KCNQ5: variants seen among roughly 807,000 people sequenced by gnomAD.
The protein encoded by KCNQ5 is potassium voltage-gated channel subfamily KQT member 5.
In KCNQ5, 30 loss-of-function variants were observed where a neutral mutation model predicts 98.2. That is an observed-to-expected ratio of 0.31 (90% confidence interval 0.23 to 0.41). The LOEUF (loss-of-function observed/expected upper bound fraction) is 0.41, where lower values mean the gene tolerates loss of function less well. KCNQ5 is among the 10% of genes least tolerant of loss of function. KCNQ5 has a pLI of 1.00. For missense variants in KCNQ5, 835 were observed against 1,182.5 expected (o/e 0.71, Z 4.31); for synonymous variants, 458 against 449.4 (o/e 1.02, Z -0.24).
At chr6:72,762,225 A>G (rs1406667376) in intron 1 of KCNQ5, among the ~76,000 whole-genome samples, 1 of 152,084 alleles carries the variant, frequency 6.6e-6, no homozygotes, top group East Asian at 1.9e-4. Flanking sequence ...AAAGGGTATC[A>G]CAGTCAGGAA....
chr6:72,843,050 C>T (rs1379565693), intron 1 of KCNQ5, among the ~76,000 whole-genome samples: 1 of 152,140 alleles, frequency 6.6e-6, no homozygotes. Flanking sequence ...GTCATGAAGT[C>T]TTTGCCCATG....
At chr6:72,854,536 C>T (rs7764400) in intron 1 of KCNQ5, among the ~76,000 whole-genome samples, 63,243 of 151,102 alleles carry the variant, frequency 0.42, 13,951 homozygotes, top group Non-Finnish European at 0.5. Context: ...AAAAAGTTTA[C>T]GATGTCTATC....
chr6:72,809,296 G>A (rs889884093), intron 1 of KCNQ5, among the ~76,000 whole-genome samples: 1 of 149,676 alleles, frequency 6.7e-6, no homozygotes, highest in African/African-American at 2.5e-5. Context: ...AATGCTAGAT[G>A]ACGAGTTAGT....
intron 1 of KCNQ5, among the ~76,000 whole-genome samples, chr6:72,753,928 G>A (rs1416562447): frequency 1.3e-5 from 2 of 152,018 alleles, no homozygotes; most frequent in African/African-American, 4.8e-5. Context: ...AACTTGTGTA[G>A]ATTCTTTGAG....
chr6:73,124,771 A>G, intron 9 of KCNQ5: 1 of 509,940 alleles, frequency 2.0e-6, no homozygotes, highest in Non-Finnish European at 3.5e-6. Context: ...AGGGGAACTG[A>G]TCTTGGATTA....
intron 1 of KCNQ5, among the ~76,000 whole-genome samples, chr6:72,628,206 G>A (rs2154471463): frequency 6.6e-6 from 1 of 152,334 alleles, no homozygotes; most frequent in East Asian, 1.9e-4. Context: ...GTGAGCCGAA[G>A]CTGAAAGAAC....
intron 5 of KCNQ5, among the ~76,000 whole-genome samples, chr6:73,100,462 C>T (rs908081023): frequency 3.3e-5 from 5 of 151,706 alleles, no homozygotes; most frequent in African/African-American, 7.3e-5. Flanking sequence ...GTCAGGAGAC[C>T]GAGACCATCC....
At chr6:72,695,103 C>A in intron 1 of KCNQ5, among the ~76,000 whole-genome samples, 1 of 152,060 alleles carries the variant, frequency 6.6e-6, no homozygotes, top group Non-Finnish European at 1.5e-5. Context: ...TTTTCTTTAT[C>A]CAGTCCACCA....
At chr6:72,753,546 T>G (rs1387515845) in intron 1 of KCNQ5, among the ~76,000 whole-genome samples, 1 of 152,140 alleles carries the variant, frequency 6.6e-6, no homozygotes, top group Admixed American at 6.6e-5. Context: ...CCATTTTACA[T>G]TCTCTTCAGT....
At chr6:73,067,791 T>A (rs1474559899) in intron 3 of KCNQ5, among the ~76,000 whole-genome samples, 5 of 152,014 alleles carry the variant, frequency 3.3e-5, no homozygotes, top group African/African-American at 1.2e-4. Context: ...GCTTCTTTTT[T>A]AAATAAGTTA....
At position 72,755,803 on chromosome 6, in the gene KCNQ5, T is replaced by C. The variant is rs948389549; in HGVS notation, c.398+133216T>C. Reference sequence around the variant, plus strand: ...TTATTTCTATCATTTTCAGTGCTATTTATTTCTTTACATAGCCCACAATTT... The same window carrying C: ...TTATTTCTATCATTTTCAGTGCTATCTATTTCTTTACATAGCCCACAATTT... On this transcript the variant is annotated intron_variant, in intron 1 of 13. Transcript: ENST00000370398. Among the ~76,000 whole-genome samples, 20 of 152,338 alleles carry C rather than the reference T, an allele frequency of 1.3e-4. No individual in the cohort carries two copies. The South Asian group carries it at 4.1e-3, about 32-fold the overall frequency.
intron 1 of KCNQ5, among the ~76,000 whole-genome samples, chr6:72,632,138 CT>C (rs71540354): frequency 6.3e-4 from 80 of 127,662 alleles, no homozygotes; most frequent in Admixed American, 2.1e-3. Flanking sequence ...TTCTTTCTTT[CT>C]TTTTTTTTTT....
chr6:72,962,218 CACACAT>C (rs1767402037), intron 1 of KCNQ5, among the ~76,000 whole-genome samples: 1 of 137,860 alleles, frequency 7.3e-6, no homozygotes, highest in African/African-American at 2.7e-5. Context: ...TATATATATA[CACACAT>C]ATATATATAT....
At chr6:72,812,107 T>G (rs1775270647) in intron 1 of KCNQ5, among the ~76,000 whole-genome samples, 1 of 152,208 alleles carries the variant, frequency 6.6e-6, no homozygotes, top group Non-Finnish European at 1.5e-5. Flanking sequence ...TAGCTTATAA[T>G]GAGCAGTGAA....
At chr6:72,766,229 A>T (rs1156871912) in intron 1 of KCNQ5, among the ~76,000 whole-genome samples, 1 of 151,960 alleles carries the variant, frequency 6.6e-6, no homozygotes, top group Non-Finnish European at 1.5e-5. Flanking sequence ...GTGCTTGAGG[A>T]GTTGGGATAA....
At chr6:73,135,371 G>T (rs1406453161) in intron 10 of KCNQ5, 2 of 148,274 alleles carry the variant, frequency 1.3e-5, no homozygotes, top group African/African-American at 5.0e-5. Flanking sequence ...AACAGGTAAA[G>T]CTCTTGTAAT....
At chr6:72,695,303 G>GT (rs1208021812) in intron 1 of KCNQ5, among the ~76,000 whole-genome samples, 1 of 152,088 alleles carries the variant, frequency 6.6e-6, no homozygotes, top group East Asian at 1.9e-4. Context: ...AAGGACCTTA[G>GT]TTTTTACCTA....
intron 1 of KCNQ5, among the ~76,000 whole-genome samples, chr6:72,626,727 A>G (rs2098918153): frequency 6.6e-6 from 1 of 152,232 alleles, no homozygotes; most frequent in Non-Finnish European, 1.5e-5. Flanking sequence ...ATTCTGTGAA[A>G]TGTCTGTTGA....
Position 72,825,636 on chromosome 6 carries a change from T to C in KCNQ5, c.399-178272T>C, listed in dbSNP as rs149565743. Among the ~76,000 whole-genome samples the C allele has an allele frequency of 9.2e-5, 14 of 152,282 alleles. No individual in the cohort carries two copies. The East Asian group carries it at 2.7e-3, about 29-fold the overall frequency. On this transcript the variant is annotated intron_variant, in intron 1 of 13. Transcript: ENST00000370398. ...TTGGCTTTAGGTGGGACCTATACTA[T>C]GCAACATGTGGAACTTGGAGGGCCT...
Sources: gnomAD v4.1 joint callset for allele counts (sites outside exome capture counted in the v4.1 genomes callset) on GRCh38, gnomAD v4.1.1 for gene constraint, MANE v1.5 for transcripts, NCBI Gene and HGNC (gene_info 2026-07-23, HGNC 2026-07-21) for gene names.